The following C1QTNF3 variants were observed in gnomAD, a reference collection of about 807,000 sequenced individuals.
C1QTNF3 encodes C1q and TNF related 3, also known as complement C1q tumor necrosis factor-related protein 3.
In C1QTNF3, 26 loss-of-function variants were observed where a neutral mutation model predicts 32.6. That is an observed-to-expected ratio of 0.80 (90% CI 0.58 to 1.11). C1QTNF3 has a LOEUF of 1.11. C1QTNF3 is among the 50% of genes least tolerant of loss of function. The probability of loss-of-function intolerance (pLI) is 0.00; values close to 1 mark genes in which losing one functional copy is unlikely to be tolerated. For missense variants in C1QTNF3, 362 were observed against 398.2 expected (o/e 0.91, Z 0.77); for synonymous variants, 155 against 146.0 (o/e 1.06, Z -0.44).
upstream of C1QTNF3, among the ~76,000 whole-genome samples, chr5:34,044,712 C>T (rs181321219): frequency 6.1e-4 from 93 of 152,032 alleles, no homozygotes; most frequent in African/African-American, 2.1e-3. Flanking sequence ...CTCTCCAGGC[C>T]ACAGTTCAGG....
chr5:34,031,565 G>T (rs1043133639), intron 3 of C1QTNF3, among the ~76,000 whole-genome samples: 1 of 152,184 alleles, frequency 6.6e-6, no homozygotes, highest in Non-Finnish European at 1.5e-5. Context: ...AGGCACAGTG[G>T]CTCACACCTG....
the C1QTNF3 span, among the ~76,000 whole-genome samples, chr5:34,094,697 T>C: frequency 2.4e-4 from 36 of 151,306 alleles, no homozygotes; most frequent in South Asian, 7.5e-3. Flanking sequence ...TTCTGGAACT[T>C]TATAAGGTAG....
At chr5:34,083,651 G>A in the C1QTNF3 span, among the ~76,000 whole-genome samples, 3 of 151,702 alleles carry the variant, frequency 2.0e-5, no homozygotes, top group African/African-American at 7.3e-5. Context: ...TGCTAATTTT[G>A]CAGTGCTCAA....
chr5:34,076,839 T>C, the C1QTNF3 span, among the ~76,000 whole-genome samples: 3 of 151,458 alleles, frequency 2.0e-5, 1 homozygote, highest in African/African-American at 7.4e-5. Context: ...CTTGGCATAG[T>C]TGGTCCTGAG....
the C1QTNF3 span, among the ~76,000 whole-genome samples, chr5:34,186,143 A>G: frequency 2.6e-5 from 4 of 151,834 alleles, no homozygotes; most frequent in Admixed American, 6.6e-5. Flanking sequence ...GGCTGACTGA[A>G]TGTTAGTGGA....
the C1QTNF3 span, among the ~76,000 whole-genome samples, chr5:34,175,253 C>T: frequency 1.3e-5 from 2 of 151,856 alleles, no homozygotes; most frequent in South Asian, 2.1e-4. Context: ...CTATGCTGAA[C>T]AGGCTGGTCT....
chr5:34,194,879 T>A, the C1QTNF3 span, among the ~76,000 whole-genome samples: 10 of 149,230 alleles, frequency 6.7e-5, no homozygotes, highest in Non-Finnish European at 1.5e-4. Context: ...TAATATCCGA[T>A]GTAAATGTCA....
the C1QTNF3 span, among the ~76,000 whole-genome samples, chr5:34,084,831 CTTTAG>C: frequency 7.9e-6 from 1 of 125,850 alleles, no homozygotes; most frequent in African/African-American, 3.3e-5. Flanking sequence ...TGCAGAAGCT[CTTTAG>C]TTTAATTAGA....
chr5:34,067,679 G>C, the C1QTNF3 span, among the ~76,000 whole-genome samples: 38 of 152,134 alleles, frequency 2.5e-4, no homozygotes, highest in Admixed American at 2.5e-3. Flanking sequence ...ATGAGATTTG[G>C]ATAGGGACAC....
chr5:34,046,014 A>G (rs1287446087), upstream of C1QTNF3, among the ~76,000 whole-genome samples: 1 of 152,240 alleles, frequency 6.6e-6, no homozygotes, highest in Non-Finnish European at 1.5e-5. Context: ...ATTAGGTTTC[A>G]TAAGTGGCCT....
the C1QTNF3 span, among the ~76,000 whole-genome samples, chr5:34,110,930 T>C: frequency 6.6e-6 from 1 of 151,978 alleles, no homozygotes; most frequent in Non-Finnish European, 1.5e-5. Context: ...AAAAAATTAT[T>C]AGAAGATTCA....
the C1QTNF3 span, among the ~76,000 whole-genome samples, chr5:34,091,802 TTAAC>T: frequency 5.3e-5 from 8 of 152,044 alleles, no homozygotes; most frequent in Non-Finnish European, 7.4e-5. Flanking sequence ...TAACACTAGT[TTAAC>T]TGGCAAATAT....
the C1QTNF3 span, among the ~76,000 whole-genome samples, chr5:34,081,845 C>A: frequency 6.6e-6 from 1 of 151,474 alleles, no homozygotes; most frequent in African/African-American, 2.4e-5. Flanking sequence ...AGGAAGTACA[C>A]CTAAGTATTG....
At chr5:34,118,422 A>T in the C1QTNF3 span, among the ~76,000 whole-genome samples, 2 of 152,154 alleles carry the variant, frequency 1.3e-5, no homozygotes, top group African/African-American at 4.8e-5. Flanking sequence ...ACTAGCTCTC[A>T]GCCTGAAAAC....
At chr5:34,169,409 C>G in the C1QTNF3 span, among the ~76,000 whole-genome samples, 73,533 of 151,126 alleles carry the variant, frequency 0.49, 20,168 homozygotes, top group Non-Finnish European at 0.61. Context: ...ATTTGTATAT[C>G]TTCTTTGAAG....
chr5:34,070,243 C>T, the C1QTNF3 span, among the ~76,000 whole-genome samples: 3 of 152,090 alleles, frequency 2.0e-5, no homozygotes, highest in Admixed American at 6.6e-5. Context: ...ACTAATTTTC[C>T]GGCCACTTCT....
At chr5:34,094,503 T>C in the C1QTNF3 span, among the ~76,000 whole-genome samples, 2 of 150,916 alleles carry the variant, frequency 1.3e-5, no homozygotes, top group South Asian at 2.1e-4. Flanking sequence ...CGAAGAGTAA[T>C]ATAAATGTTA....
At chr5:34,089,670 C>T in the C1QTNF3 span, among the ~76,000 whole-genome samples, 1 of 152,200 alleles carries the variant, frequency 6.6e-6, no homozygotes, top group African/African-American at 2.4e-5. Context: ...CAGACTAAAA[C>T]AGACTTACAT....
the C1QTNF3 span, among the ~76,000 whole-genome samples, chr5:34,140,792 A>T: frequency 6.6e-6 from 1 of 152,280 alleles, no homozygotes; most frequent in Non-Finnish European, 1.5e-5. Context: ...TCAACTTCAT[A>T]GACTCAAATG....
Sources: gnomAD v4.1 joint callset for allele counts (sites outside exome capture counted in the v4.1 genomes callset) on GRCh38, gnomAD v4.1.1 for gene constraint, MANE v1.5 for transcripts, NCBI Gene and HGNC (gene_info 2026-07-23, HGNC 2026-07-21) for gene names.